SUMF1: variants seen among roughly 807,000 people sequenced by gnomAD.
SUMF1 encodes formylglycine-generating enzyme.
SUMF1 carries 48 observed loss-of-function variants against 47.6 expected under a neutral mutation model. The ratio of observed to expected loss-of-function variants is 1.01; its 90% confidence interval spans 0.80 to 1.28. The LOEUF (loss-of-function observed/expected upper bound fraction) is 1.28. SUMF1 is among the 50% of genes most tolerant of loss of function. The probability of loss-of-function intolerance (pLI) is 0.00; values close to 1 mark genes in which losing one functional copy is unlikely to be tolerated. For missense variants in SUMF1, 571 were observed against 485.4 expected, an observed-to-expected ratio of 1.18 and a Z score of -1.66; for synonymous variants, 230 against 192.1, an observed-to-expected ratio of 1.20 and a Z score of -1.63.
At chr3:4,309,448 C>G (rs1559215095) in intron 8 of SUMF1, among the ~76,000 whole-genome samples, 1 of 152,162 alleles carries the variant, frequency 6.6e-6, no homozygotes, top group Non-Finnish European at 1.5e-5. Flanking sequence ...CCATTCTCAG[C>G]TTCTACCCAG....
intron 3 of SUMF1, among the ~76,000 whole-genome samples, chr3:4,439,828 CT>C (rs1220614362): frequency 5.9e-5 from 9 of 151,872 alleles, no homozygotes; most frequent in African/African-American, 1.9e-4. Flanking sequence ...TCCCAAAGGG[CT>C]GGCAGAAGCC....
At chr3:4,316,977 C>A in intron 8 of SUMF1, 1 of 1,549,408 alleles carries the variant, frequency 6.5e-7, no homozygotes, top group Non-Finnish European at 8.7e-7. Flanking sequence ...GCATGTTGCA[C>A]AACCCACACT....
chr3:4,170,389 G>A (rs779561769), intron 8 of SUMF1, among the ~76,000 whole-genome samples: 4 of 152,160 alleles, frequency 2.6e-5, no homozygotes, highest in Non-Finnish European at 5.9e-5. Flanking sequence ...TAGGGCCTGA[G>A]CATTTGTATT....
chr3:4,314,718 C>A (rs1249353010), intron 8 of SUMF1, among the ~76,000 whole-genome samples: 1 of 152,158 alleles, frequency 6.6e-6, no homozygotes, highest in Non-Finnish European at 1.5e-5. Flanking sequence ...CCCGTTTAAA[C>A]TTCTAGAGCA....
chr3:4,419,334 G>C (rs766749896), intron 4 of SUMF1, among the ~76,000 whole-genome samples: 6 of 152,130 alleles, frequency 3.9e-5, no homozygotes, highest in Non-Finnish European at 8.8e-5. Context: ...CCCTAAAGCT[G>C]AACTTCCTAT....
At chr3:4,153,902 T>C (rs1174335274) in intron 8 of SUMF1, among the ~76,000 whole-genome samples, 1 of 151,568 alleles carries the variant, frequency 6.6e-6, no homozygotes, top group Non-Finnish European at 1.5e-5. Context: ...TTTATCTTAC[T>C]GAGGAAATTG....
At chr3:4,253,941 G>A in intron 8 of SUMF1, among the ~76,000 whole-genome samples, 1 of 150,618 alleles carries the variant, frequency 6.6e-6, no homozygotes, top group Non-Finnish European at 1.5e-5. Flanking sequence ...GCCTCCTCAA[G>A]TGGGTCCCTG....
intron 8 of SUMF1, among the ~76,000 whole-genome samples, chr3:4,348,329 C>CA (rs1364500265): frequency 6.6e-6 from 1 of 152,114 alleles, no homozygotes; most frequent in Admixed American, 6.6e-5. Context: ...CCAAAACAGA[C>CA]ATATAGACCA....
intron 8 of SUMF1, among the ~76,000 whole-genome samples, chr3:4,105,046 T>C (rs1478481731): frequency 6.6e-6 from 1 of 152,150 alleles, no homozygotes; most frequent in Non-Finnish European, 1.5e-5. Flanking sequence ...TATTAAGCTT[T>C]TGTTTTTAAA....
intron 1 of SUMF1, among the ~76,000 whole-genome samples, chr3:4,456,998 GTATA>G (rs1284250150): frequency 7.8e-6 from 1 of 127,644 alleles, no homozygotes; most frequent in African/African-American, 2.8e-5. Context: ...ATACGTGTGT[GTATA>G]TATATACGTG....
At position 4,280,009 on chromosome 3, in the gene SUMF1, A is replaced by G. The variant is rs1427366274; in HGVS notation, c.1014+96321T>C. Among the ~76,000 whole-genome samples, 120 of 152,182 alleles carry G rather than the reference A, an allele frequency of 7.9e-4. 1 individual carries two copies. The highest frequency in any genetic ancestry group is 4.4e-5 in the Non-Finnish European group (3 of 68,028). ...ACTCAACTTTAGTAAAAACATATACATAAGAGATGACACTAGCCATCTGTA... is the reference window on the plus strand; with the variant it reads ...ACTCAACTTTAGTAAAAACATATACGTAAGAGATGACACTAGCCATCTGTA... On this transcript the variant is annotated intron_variant and NMD_transcript_variant, in intron 8 of 12. Transcript: ENST00000448413.
intron 8 of SUMF1, among the ~76,000 whole-genome samples, chr3:4,099,092 G>T (rs763773361): frequency 2.0e-5 from 3 of 152,120 alleles, no homozygotes; most frequent in Non-Finnish European, 2.9e-5. Flanking sequence ...AAGAAGTAAG[G>T]ATCTGCCCTG....
In SUMF1 at chr3:4,466,341, A is replaced by G. The variant is rs191234362; in HGVS notation, c.270+635T>C. On this transcript the variant is annotated intron_variant, in intron 1 of 8. Transcript: ENST00000272902. ...TGGCCAGGCTGGTCTCGAACTCCTG[A>G]CCTCGTGATCCGCGCGCTTCGGCCT... Among the ~76,000 whole-genome samples the G allele has an allele frequency of 2.4e-3, 366 of 151,996 alleles. 1 individual carries two copies. Among genetic ancestry groups the G allele is most frequent in the African/African-American group, 8.6e-3 (355 of 41,488 alleles).
At chr3:4,215,403 T>C (rs1695899481) in intron 8 of SUMF1, among the ~76,000 whole-genome samples, 1 of 152,130 alleles carries the variant, frequency 6.6e-6, no homozygotes, top group Non-Finnish European at 1.5e-5. Flanking sequence ...CGCAAAATAA[T>C]AAGAGCTATT....
chr3:4,313,951 A>G, intron 8 of SUMF1: 1 of 1,013,704 alleles, frequency 9.9e-7, no homozygotes, highest in East Asian at 2.6e-5. Flanking sequence ...ACTACCCAGA[A>G]TACTCACTTT....
chr3:4,117,878 G>A (rs1036612972), intron 8 of SUMF1, among the ~76,000 whole-genome samples: 2 of 151,824 alleles, frequency 1.3e-5, no homozygotes, highest in Non-Finnish European at 2.9e-5. Context: ...AAGTTGAGAC[G>A]GCATGACAGC....
chr3:4,390,189 G>C (rs1353209930), intron 7 of SUMF1, among the ~76,000 whole-genome samples: 1 of 152,278 alleles, frequency 6.6e-6, no homozygotes, highest in South Asian at 2.1e-4. Flanking sequence ...TCCTTGCTCA[G>C]CCTCTATTAA....
At chr3:4,181,603 T>C (rs1284263054) in intron 8 of SUMF1, among the ~76,000 whole-genome samples, 2 of 152,144 alleles carry the variant, frequency 1.3e-5, no homozygotes, top group Non-Finnish European at 2.9e-5. Context: ...GTGAAGGCCT[T>C]GGATCAAATG....
At chr3:4,449,455 C>G in intron 2 of SUMF1, 115 bp from the exon 3 acceptor site, 1 of 1,060,988 alleles carries the variant, frequency 9.4e-7, no homozygotes, top group Non-Finnish European at 1.5e-6. Flanking sequence ...GAACTTGAGT[C>G]TTTCTTATGA....
Sources: allele counts gnomAD v4.1 joint callset (sites outside exome capture counted in the v4.1 genomes callset), GRCh38; gene constraint gnomAD v4.1.1; transcripts MANE v1.5; gene names NCBI Gene and HGNC (gene_info 2026-07-23, HGNC 2026-07-21).